SHANK2: variants seen among roughly 807,000 people sequenced by gnomAD.
The protein encoded by SHANK2 is SH3 and multiple ankyrin repeat domains protein 2.
In SHANK2, 43 loss-of-function variants were observed where a neutral mutation model predicts 133.7. The ratio of observed to expected loss-of-function variants is 0.32; its 90% CI spans 0.25 to 0.41. SHANK2 has a LOEUF of 0.41. Ranked by LOEUF, SHANK2 falls within the 10% of genes least tolerant of loss-of-function variation. SHANK2 has a pLI of 1.00. For missense variants in SHANK2, 1,994 were observed against 2,235.8 expected (o/e 0.89, Z 2.18); for synonymous variants, 1,017 against 952.8 (o/e 1.07, Z -1.24).
chr11:70,646,942 C>T (rs1555008531), intron 17 of SHANK2, among the ~76,000 whole-genome samples: 1 of 151,822 alleles, frequency 6.6e-6, no homozygotes, highest in East Asian at 1.9e-4. Context: ...CTCACTGCAA[C>T]CTCTGCTTCC....
intron 2 of SHANK2, among the ~76,000 whole-genome samples, chr11:71,193,641 C>T (rs1388032993): frequency 6.6e-6 from 1 of 152,230 alleles, no homozygotes; most frequent in African/African-American, 2.4e-5. Context: ...AGCTCTCCAG[C>T]CTGCTCCGGC....
intron 23 of SHANK2, chr11:70,490,073 G>T: frequency 1.8e-6 from 1 of 567,086 alleles, no homozygotes; most frequent in Admixed American, 3.0e-5. Flanking sequence ...GGGGGGATGA[G>T]TTTCATGCCA....
intron 17 of SHANK2, among the ~76,000 whole-genome samples, chr11:70,628,219 C>T (rs2060930523): frequency 6.6e-6 from 1 of 152,202 alleles, no homozygotes; most frequent in Non-Finnish European, 1.5e-5. Context: ...TTCAGCCTCC[C>T]ACCATGCCTG....
intron 17 of SHANK2, among the ~76,000 whole-genome samples, chr11:70,507,265 A>C (rs1286244087): frequency 6.6e-6 from 1 of 152,192 alleles, no homozygotes; most frequent in Non-Finnish European, 1.5e-5. Context: ...GAAAACTGCT[A>C]TCACTGCCTT....
Position 70,687,408 on chromosome 11 carries a change from C to T in SHANK2, c.1853+11280G>A, listed in dbSNP as rs189235068. Among the ~76,000 whole-genome samples, 326 of 152,318 alleles carry T rather than the reference C, an allele frequency of 2.1e-3. 6 individuals carry two copies. Among genetic ancestry groups the T allele is most frequent in the African/African-American group, 7.5e-3 (310 of 41,568 alleles). On this transcript the variant is annotated intron_variant, in intron 15 of 25. Coordinates refer to ENST00000601538, the MANE Select transcript of SHANK2 (RefSeq NM_012309.5). The stretch of plus-strand genomic sequence containing the variant: ...GCACGGATATTGCCCAGGGATGAGC[C>T]GAAGCTGGCTCTTAGGAGCTGCCAG...
At chr11:70,658,958 C>G (rs1478285563) in intron 17 of SHANK2, among the ~76,000 whole-genome samples, 1 of 152,082 alleles carries the variant, frequency 6.6e-6, no homozygotes, top group East Asian at 1.9e-4. Context: ...GCACTCCCAA[C>G]GAGGACCATT....
intron 8 of SHANK2, among the ~76,000 whole-genome samples, chr11:71,086,607 G>A (rs1951423681): frequency 6.7e-6 from 1 of 148,532 alleles, no homozygotes; most frequent in African/African-American, 2.5e-5. Flanking sequence ...CCATAATATT[G>A]AGTGGGCCCC....
intron 17 of SHANK2, among the ~76,000 whole-genome samples, chr11:70,658,323 A>T (rs1373822355): frequency 6.7e-6 from 1 of 149,310 alleles, no homozygotes; most frequent in Non-Finnish European, 1.5e-5. Flanking sequence ...ACACACACGA[A>T]GGGGACTCAC....
intron 10 of SHANK2, among the ~76,000 whole-genome samples, chr11:70,918,851 T>C (rs1205835847): frequency 6.6e-6 from 1 of 152,154 alleles, no homozygotes; most frequent in East Asian, 1.9e-4. Flanking sequence ...TATACACTGA[T>C]GGTGTACAAC....
intron 1 of SHANK2, among the ~76,000 whole-genome samples, chr11:71,230,904 C>A (rs1442116858): frequency 6.6e-6 from 1 of 152,128 alleles, no homozygotes; most frequent in African/African-American, 2.4e-5. Flanking sequence ...AGGGTCATGC[C>A]TTATACAAAA....
At chr11:70,917,463 C>T (rs1464102004) in intron 10 of SHANK2, among the ~76,000 whole-genome samples, 1 of 152,142 alleles carries the variant, frequency 6.6e-6, no homozygotes, top group South Asian at 2.1e-4. Flanking sequence ...CTTCAAAGAC[C>T]TAAAGACAGA....
chr11:70,863,434 C>T (rs546696604), intron 11 of SHANK2: 18 of 457,758 alleles, frequency 3.9e-5, no homozygotes, highest in South Asian at 1.2e-4. Context: ...TGCCCTGGGA[C>T]GCCTGTGAAC....
Position 70,485,824 on chromosome 11 carries a change from C to G in SHANK2, c.4469G>C (p.Gly1490Ala). ...ACTCCGGCTGTCCACCTCCTCGATC[C>G]CAGAGTCGGCGACGGCGTCAAAGCT... is the stretch of plus-strand genomic sequence containing the variant. The part of the protein sequence containing the change: ...PESFDAVADS[G>A]IEEVDSRSSS... The change falls in exon 25 of 26, where the codon GGG becomes GCG. Residue 1490 changes from glycine (G) to alanine (A), a missense_variant. This residue lies in a region of SHANK2 where 797 missense variants were observed against 907.4 expected (regional missense o/e 0.88). Coordinates refer to ENST00000601538, the MANE Select transcript of SHANK2 (RefSeq NM_012309.5). The surrounding 1 kb of genome is among the most constrained non-coding windows in gnomAD (Gnocchi z 5.8). 1 of 1,613,946 alleles carries G rather than the reference C, an allele frequency of 6.2e-7. No individual in the cohort carries two copies.
At chr11:71,176,056 A>C (rs1555113072) in intron 2 of SHANK2, among the ~76,000 whole-genome samples, 2 of 152,212 alleles carry the variant, frequency 1.3e-5, no homozygotes, top group Non-Finnish European at 2.9e-5. Flanking sequence ...AATAATACAT[A>C]CTAATTACAT....
chr11:71,120,400 G>A (rs1952060073), intron 3 of SHANK2, among the ~76,000 whole-genome samples: 1 of 152,204 alleles, frequency 6.6e-6, no homozygotes, highest in Non-Finnish European at 1.5e-5. Flanking sequence ...TTCTCTATCT[G>A]AGGATTCTGT....
intron 17 of SHANK2, among the ~76,000 whole-genome samples, chr11:70,567,309 T>A (rs981012261): frequency 1.3e-5 from 2 of 152,150 alleles, no homozygotes; most frequent in Admixed American, 6.5e-5. Context: ...TGAGCCTTAA[T>A]CCCGGCTGAC....
At chr11:70,943,096 G>GA (rs1472973873) in intron 10 of SHANK2, 1 of 456,640 alleles carries the variant, frequency 2.2e-6, no homozygotes, top group Non-Finnish European at 4.4e-6. Flanking sequence ...TGAGGGGTGG[G>GA]AAGGAGTTCA....
chr11:70,523,704 G>A (rs750168130), intron 17 of SHANK2, among the ~76,000 whole-genome samples: 5 of 152,314 alleles, frequency 3.3e-5, no homozygotes, highest in Middle Eastern at 3.4e-3. Context: ...GGAGGCGCTC[G>A]CTGCTGGGGC....
At chr11:70,928,496 A>G (rs1950459269) in intron 10 of SHANK2, among the ~76,000 whole-genome samples, 1 of 152,190 alleles carries the variant, frequency 6.6e-6, no homozygotes. Flanking sequence ...AGATGCAGCA[A>G]AGGGTTTACT....
Sources: allele counts gnomAD v4.1 joint callset (sites outside exome capture counted in the v4.1 genomes callset), GRCh38; gene constraint gnomAD v4.1.1; regional missense constraint gnomAD v4.1.1; non-coding constraint Gnocchi (gnomAD v3.1); transcripts MANE v1.5; gene names NCBI Gene and HGNC (gene_info 2026-07-23, HGNC 2026-07-21).